Variants in DCUN1D3 observed in about 807,000 individuals in gnomAD.
DCUN1D3 encodes the protein defective in cullin neddylation 1 domain containing 3.
DCUN1D3 carries 6 observed loss-of-function variants against 24.8 expected under a neutral mutation model. That is an observed-to-expected ratio of 0.24 (90% CI 0.13 to 0.48). The LOEUF is 0.48. DCUN1D3 is among the 20% of genes least tolerant of loss of function. The pLI is 0.99. For missense variants in DCUN1D3, 258 were observed against 379.4 expected, an observed-to-expected ratio of 0.68 and a Z score of 2.66; for synonymous variants, 120 against 144.9, an observed-to-expected ratio of 0.83 and a Z score of 1.24.
intron 1 of DCUN1D3, among the ~76,000 whole-genome samples, chr16:20,892,784 A>G (rs2081898031): frequency 6.6e-6 from 1 of 152,228 alleles, no homozygotes; most frequent in Non-Finnish European, 1.5e-5. Context: ...ACTTACAGGG[A>G]TAATGCCTCA....
intron 1 of DCUN1D3, among the ~76,000 whole-genome samples, chr16:20,863,465 T>C (rs2081744067): frequency 6.6e-6 from 1 of 152,184 alleles, no homozygotes; most frequent in South Asian, 2.1e-4. Context: ...CTGGGGCCGG[T>C]TGCAGTGGCT....
chr16:20,872,624 T>C (rs1376434396), intron 1 of DCUN1D3, among the ~76,000 whole-genome samples: 1 of 152,164 alleles, frequency 6.6e-6, no homozygotes, highest in Admixed American at 6.5e-5. Context: ...TTCAACCACA[T>C]CAGTAACCTG....
At chr16:20,894,563 T>C (rs938883152) in intron 1 of DCUN1D3, among the ~76,000 whole-genome samples, 1 of 152,142 alleles carries the variant, frequency 6.6e-6, no homozygotes, top group African/African-American at 2.4e-5. Flanking sequence ...TTCCCAACAC[T>C]ATGCAATCCA....
Position 20,892,343 on chromosome 16 carries a change from A to C in DCUN1D3, c.-106+7861T>G, listed in dbSNP as rs750581239. Among the ~76,000 whole-genome samples the C allele has an allele frequency of 4.2e-4, 64 of 152,064 alleles. 1 individual carries two copies. Among genetic ancestry groups the C allele is most frequent in the South Asian group, 1.9e-3 (9 of 4,814 alleles). On this transcript the variant is annotated intron_variant, in intron 1 of 2. Coordinates refer to ENST00000324344, the MANE Select transcript of DCUN1D3 (RefSeq NM_173475.4). The stretch of plus-strand genomic sequence containing the variant: ...GAAAATGTCACAACTGGGGAAAAAC[A>C]CCTCCTCAGAGGGCCTGAGACTTCC...
rs1480608535 is a variant in DCUN1D3, at chr16:20,855,266, T to C, written c.*4620A>G. 6.6e-6 allele frequency: 1 copy of C among 152,244 alleles called. No homozygotes were observed. Among genetic ancestry groups the C allele is most frequent in the Non-Finnish European group, 1.5e-5 (1 of 68,082 alleles). 9.4% of individuals were successfully genotyped at this position (152,244 alleles called of 1,614,324 possible). ...AGCCCCATGTGCCTATTGCTTCACATTCCCCCTTTAAAACCTAGTCATATT... is the reference window on the plus strand; with the variant it reads ...AGCCCCATGTGCCTATTGCTTCACACTCCCCCTTTAAAACCTAGTCATATT... On this transcript the variant is annotated 3_prime_UTR_variant, in exon 3 of 3. Transcript: ENST00000324344.
intron 1 of DCUN1D3, among the ~76,000 whole-genome samples, chr16:20,886,463 T>C (rs2081868614): frequency 6.6e-6 from 1 of 152,232 alleles, no homozygotes; most frequent in African/African-American, 2.4e-5. Flanking sequence ...TGGACTAAGC[T>C]CCTGCACTAG....
chr16:20,893,362 G>T (rs1281695356), intron 1 of DCUN1D3, among the ~76,000 whole-genome samples: 1 of 152,024 alleles, frequency 6.6e-6, no homozygotes, highest in Non-Finnish European at 1.5e-5. Flanking sequence ...CTTGTAAAAT[G>T]AGGTCTCACT....
chr16:20,860,072 C>G lies in DCUN1D3; in HGVS notation c.729G>C (p.Trp243Cys). 6.2e-7 allele frequency: 1 copy of G among 1,614,232 alleles called. No individual in the cohort carries two copies. The highest frequency in any genetic ancestry group is 2.2e-5 in the East Asian group (1 of 44,890). ...CCTGAGTGAAGTTAAGGAACATGTT[C>G]CAAGTGTCCCGGGAGATGCCCTTGA... Reference protein sequence around the residue: ...SGIKGISRDTWNMFLNFTQVI... With the variant: ...SGIKGISRDTCNMFLNFTQVI... The change falls in exon 3 of 3, where the codon TGG (tryptophan) becomes TGC (cysteine). Residue 243 changes from tryptophan to cysteine, a missense_variant. Trp to Cys is a radical substitution (Grantham distance 215, BLOSUM62 -2). Coordinates refer to ENST00000324344, the MANE Select transcript of DCUN1D3 (RefSeq NM_173475.4). The surrounding 1 kb of genome is among the most constrained non-coding windows in gnomAD (Gnocchi z 4.3).
intron 1 of DCUN1D3, among the ~76,000 whole-genome samples, chr16:20,869,591 G>C (rs746189946): frequency 6.6e-6 from 1 of 152,132 alleles, no homozygotes; most frequent in Non-Finnish European, 1.5e-5. Flanking sequence ...TTTAATTCTG[G>C]TCCTTAAATG....
rs150849224 is a variant in DCUN1D3, at chr16:20,862,361, C to T, written c.178G>A (p.Glu60Lys). Residue 60 changes from glutamate to lysine, a missense_variant, in exon 2 of 3, where the codon GAG becomes AAG. Physicochemically the swap from Glu to Lys is moderately conservative, Grantham distance 56. Transcript: ENST00000324344. ...DILVNGTKKA[E>K]AATEACQLPT... ...AGCTGGCAGGCCTCAGTGGCAGCCT[C>T]GGCCTTCTTGGTCCCGTTGACGAGG... The T allele has an allele frequency of 8.2e-5, 132 of 1,614,064 alleles. No individual in the cohort carries two copies. The highest frequency in any genetic ancestry group is 1.0e-4 in the Non-Finnish European group (121 of 1,180,032).
At chr16:20,875,484 A>G (rs1308111385) in intron 1 of DCUN1D3, among the ~76,000 whole-genome samples, 4 of 152,084 alleles carry the variant, frequency 2.6e-5, no homozygotes, top group Admixed American at 1.3e-4. Flanking sequence ...AGCTCTACCA[A>G]CTCTCTAGCT....
intron 1 of DCUN1D3, among the ~76,000 whole-genome samples, chr16:20,876,220 G>C (rs2081814349): frequency 6.6e-6 from 1 of 152,128 alleles, no homozygotes; most frequent in Admixed American, 6.5e-5. Context: ...GCCTGCCTCA[G>C]CCTCCCAAAG....
chr16:20,867,755 A>G (rs1277052364), intron 1 of DCUN1D3, among the ~76,000 whole-genome samples: 1 of 152,162 alleles, frequency 6.6e-6, no homozygotes, highest in Non-Finnish European at 1.5e-5. Flanking sequence ...CATCTGAACA[A>G]TGGGCTCCAG....
chr16:20,876,608 G>A (rs1461741341), intron 1 of DCUN1D3, among the ~76,000 whole-genome samples: 1 of 152,138 alleles, frequency 6.6e-6, no homozygotes, highest in African/African-American at 2.4e-5. Flanking sequence ...CTAGGTATAT[G>A]TGCAAAGGAA....
chr16:20,889,983 A>C (rs1369070062), intron 1 of DCUN1D3, among the ~76,000 whole-genome samples: 2 of 152,160 alleles, frequency 1.3e-5, no homozygotes, highest in African/African-American at 4.8e-5. Context: ...AGAACTCCGA[A>C]ACAATGAGGC....
At chr16:20,880,246 A>T (rs574310583) in intron 1 of DCUN1D3, among the ~76,000 whole-genome samples, 36 of 152,340 alleles carry the variant, frequency 2.4e-4, no homozygotes, top group African/African-American at 8.2e-4. Context: ...TTGTCATTTT[A>T]GTGACAGCAT....
intron 1 of DCUN1D3, among the ~76,000 whole-genome samples, chr16:20,892,502 A>G (rs1400665216): frequency 6.6e-6 from 1 of 152,212 alleles, no homozygotes; most frequent in Admixed American, 6.5e-5. Flanking sequence ...GACATAAAGC[A>G]ACTATTTAAT....
At chr16:20,880,534 G>A (rs938968030) in intron 1 of DCUN1D3, among the ~76,000 whole-genome samples, 3 of 143,884 alleles carry the variant, frequency 2.1e-5, no homozygotes, top group Non-Finnish European at 4.5e-5. Context: ...GGGCCCAGAG[G>A]GCTGAGACTG....
At chr16:20,861,648 T>C (rs2081733068) in intron 2 of DCUN1D3, among the ~76,000 whole-genome samples, 1 of 151,988 alleles carries the variant, frequency 6.6e-6, no homozygotes, top group Non-Finnish European at 1.5e-5. Flanking sequence ...TATTTCTCAT[T>C]TAAGGCAAAG....
Sources: allele counts gnomAD v4.1 joint callset (sites outside exome capture counted in the v4.1 genomes callset), GRCh38; gene constraint gnomAD v4.1.1; non-coding constraint Gnocchi (gnomAD v3.1); transcripts MANE v1.5; gene names NCBI Gene and HGNC (gene_info 2026-07-23, HGNC 2026-07-21).